GRM5: variants seen among roughly 807,000 people sequenced by gnomAD.
GRM5 encodes metabotropic glutamate receptor 5.
In GRM5, 19 loss-of-function variants were observed where a neutral mutation model predicts 83.1. The observed-to-expected ratio is 0.23, with a 90% CI of 0.16 to 0.34. The LOEUF (loss-of-function observed/expected upper bound fraction) is 0.34. Ranked by LOEUF, GRM5 falls within the 10% of genes least tolerant of loss-of-function variation. The probability of loss-of-function intolerance (pLI) is 1.00; values close to 1 mark genes in which losing one functional copy is unlikely to be tolerated. For synonymous variants in GRM5, 675 were observed against 633.6 expected, an observed-to-expected ratio of 1.07 and a Z score of -0.98; for missense variants, 1,160 against 1,588.3, an observed-to-expected ratio of 0.73 and a Z score of 4.58.
intron 2 of GRM5, among the ~76,000 whole-genome samples, chr11:88,954,708 T>A (rs1938556067): frequency 1.3e-5 from 2 of 152,204 alleles, no homozygotes; most frequent in South Asian, 4.1e-4. Context: ...GTAGCCACTG[T>A]AGTAGACAGC....
rs561576583 is a variant in GRM5 at position 88,597,474 on chromosome 11, T to C, written c.1395-122A>G. ...ATATAAGTAGCACTGGAATTTTCCATGACAGTACACTTAGAATAACAAAAA... is the reference window on the plus strand; with the variant it reads ...ATATAAGTAGCACTGGAATTTTCCACGACAGTACACTTAGAATAACAAAAA... On this transcript the variant is annotated intron_variant, in intron 5 of 9. Coordinates refer to ENST00000305447, the MANE Select transcript of GRM5 (RefSeq NM_001143831.3). 2.1e-5 allele frequency: 12 copies of C among 572,018 alleles called. No homozygotes were observed. In the South Asian group the frequency reaches 3.0e-4, roughly 14 times the overall value. 35.4% of individuals were successfully genotyped at this position (572,018 alleles called of 1,614,324 possible). A position where few individuals can be genotyped will look rare whatever the true frequency, so the allele number is the denominator to read the frequency against.
chr11:88,597,002 CAACT>C (rs1937827591), intron 6 of GRM5, among the ~76,000 whole-genome samples, 178 bp downstream of exon 6: 1 of 151,986 alleles, frequency 6.6e-6, no homozygotes, highest in African/African-American at 2.4e-5. Flanking sequence ...TCAATCAAAC[CAACT>C]AATAAGACTA....
At chr11:88,570,743 A>G (rs1342426627) in intron 7 of GRM5, among the ~76,000 whole-genome samples, 5 of 150,784 alleles carry the variant, frequency 3.3e-5, no homozygotes, top group African/African-American at 2.4e-5. Flanking sequence ...ATTTTTTTGT[A>G]TATTTAGTAG....
Position 88,567,789 on chromosome 11 carries a change from T to C in GRM5, c.1894A>G (p.Thr632Ala), listed in dbSNP as rs772637385. Residue 632 changes from threonine to alanine, a missense_variant, in exon 8 of 10, where the codon ACC becomes GCC. Around this residue, in one of 9 missense-constraint regions of GRM5, gnomAD observed 132 missense variants for 245.5 expected, o/e 0.54. Coordinates refer to ENST00000305447, the MANE Select transcript of GRM5 (RefSeq NM_001143831.3). The surrounding 1 kb of genome is among the most constrained non-coding windows in gnomAD (Gnocchi z 7.3). ...LAGICLGYLC[T>A]FCLIAKPKQI... The stretch of plus-strand genomic sequence containing the variant: ...TTGGGCTTCGCAATGAGGCAGAAGG[T>C]ACATAAGTAGCCCAGGCAGATGCCA... The C allele has an allele frequency of 6.2e-7, 1 of 1,614,054 alleles. No individual in the cohort carries two copies. Among genetic ancestry groups the C allele is most frequent in the Non-Finnish European group, 8.5e-7 (1 of 1,179,912 alleles).
chr11:88,554,263 A>T (rs1309370202), intron 8 of GRM5, among the ~76,000 whole-genome samples: 1 of 152,040 alleles, frequency 6.6e-6, no homozygotes, highest in African/African-American at 2.4e-5. Flanking sequence ...GCACTTTCAA[A>T]TGTCTCTCCG....
intron 2 of GRM5, among the ~76,000 whole-genome samples, chr11:88,874,771 G>A (rs1429613962): frequency 1.3e-5 from 2 of 151,828 alleles, no homozygotes; most frequent in East Asian, 1.9e-4. Flanking sequence ...TTACAATAAA[G>A]CAAATATCAC....
intron 2 of GRM5, among the ~76,000 whole-genome samples, chr11:88,983,806 C>T (rs531820594): frequency 1.3e-5 from 2 of 152,066 alleles, no homozygotes; most frequent in East Asian, 1.9e-4. Context: ...AGGTAATGCC[C>T]CCATGCACAT....
intron 2 of GRM5, among the ~76,000 whole-genome samples, chr11:89,003,592 T>G (rs896987490): frequency 6.6e-6 from 1 of 152,126 alleles, no homozygotes; most frequent in African/African-American, 2.4e-5. Flanking sequence ...TAATGGCAAA[T>G]TTTTAAAGGT....
At chr11:88,812,528 A>G (rs1295607618) in intron 3 of GRM5, among the ~76,000 whole-genome samples, 1 of 152,154 alleles carries the variant, frequency 6.6e-6, no homozygotes, top group Non-Finnish European at 1.5e-5. Context: ...TTTCTAATGC[A>G]TTTGTTATAG....
At chr11:88,834,851 AGCTG>A (rs1590896330) in intron 3 of GRM5, among the ~76,000 whole-genome samples, 1 of 152,282 alleles carries the variant, frequency 6.6e-6, no homozygotes, top group East Asian at 1.9e-4. Flanking sequence ...GGAGACTTTT[AGCTG>A]GCTTACTTGC....
chr11:88,785,891 T>C (rs931569988), intron 3 of GRM5, among the ~76,000 whole-genome samples: 4 of 152,122 alleles, frequency 2.6e-5, no homozygotes, highest in African/African-American at 9.7e-5. Context: ...ACTTGATGTG[T>C]AAGAGCACTT....
chr11:89,039,431 C>T (rs1486089085), intron 2 of GRM5, among the ~76,000 whole-genome samples: 1 of 152,052 alleles, frequency 6.6e-6, no homozygotes, highest in African/African-American at 2.4e-5. Context: ...TTCCAGAGTC[C>T]TCCAAGTGAT....
chr11:88,530,755 T>G (rs1335368094), intron 8 of GRM5, among the ~76,000 whole-genome samples: 1 of 152,042 alleles, frequency 6.6e-6, no homozygotes, highest in African/African-American at 2.4e-5. Flanking sequence ...ATAAACAAGT[T>G]TAAATAATAA....
At position 88,849,483 on chromosome 11, in the gene GRM5, T is replaced by C. The variant is rs572994725; in HGVS notation, c.911+423A>G. On this transcript the variant is annotated intron_variant, in intron 3 of 9. Transcript: ENST00000305447. ...CCAATTTTCTAATGCTTTAAAAATGTGCTCTGAAAGCAATCCCTCATTTTC... is the reference window on the plus strand; with the variant it reads ...CCAATTTTCTAATGCTTTAAAAATGCGCTCTGAAAGCAATCCCTCATTTTC... 2.6e-5 allele frequency among the ~76,000 whole-genome samples: 4 copies of C among 152,314 alleles called. No homozygotes were observed. In the East Asian group the frequency reaches 7.7e-4, roughly 29 times the overall value.
intron 3 of GRM5, among the ~76,000 whole-genome samples, chr11:88,693,258 G>A (rs567342970): frequency 1.8e-4 from 27 of 152,176 alleles, no homozygotes; most frequent in African/African-American, 6.3e-4. Context: ...AAATAGTTCT[G>A]AGCTTCTACA....
At chr11:88,649,925 C>T (rs948754517) in intron 4 of GRM5, among the ~76,000 whole-genome samples, 3 of 151,780 alleles carry the variant, frequency 2.0e-5, no homozygotes, top group Non-Finnish European at 4.4e-5. Context: ...ATAATCATAA[C>T]ACAGTCCTGT....
At chr11:88,565,455 G>A (rs534182647) in intron 8 of GRM5, among the ~76,000 whole-genome samples, 11 of 152,266 alleles carry the variant, frequency 7.2e-5, no homozygotes, top group South Asian at 2.1e-4. Context: ...AGTTTTTTAC[G>A]TGCTCAGACA....
chr11:88,981,561 C>T (rs539552791), intron 2 of GRM5, among the ~76,000 whole-genome samples: 3 of 152,206 alleles, frequency 2.0e-5, no homozygotes, highest in South Asian at 2.1e-4. Flanking sequence ...GACAGTCATT[C>T]GTTCTGGCTG....
chr11:89,022,812 T>C (rs1941021509), intron 2 of GRM5, among the ~76,000 whole-genome samples: 1 of 152,220 alleles, frequency 6.6e-6, no homozygotes, highest in Non-Finnish European at 1.5e-5. Flanking sequence ...AAATGTTTTC[T>C]GTGTCAAGAA....
Sources: allele counts gnomAD v4.1 joint callset (sites outside exome capture counted in the v4.1 genomes callset), GRCh38; gene constraint gnomAD v4.1.1; regional missense constraint gnomAD v4.1.1; non-coding constraint Gnocchi (gnomAD v3.1); transcripts MANE v1.5; gene names NCBI Gene and HGNC (gene_info 2026-07-23, HGNC 2026-07-21).